Variants in COL24A1 observed in about 807,000 individuals in gnomAD.
COL24A1 encodes collagen type XXIV alpha 1 chain.
In COL24A1, 224 loss-of-function variants were observed where a neutral mutation model predicts 253.9. The ratio of observed to expected loss-of-function variants is 0.88; its 90% CI spans 0.79 to 0.99. The LOEUF is 0.99. Among genes scored for constraint, COL24A1 ranks in the 50% least tolerant of loss-of-function variants. COL24A1 has a pLI of 0.00. For missense variants in COL24A1, 2,131 were observed against 2,068.5 expected (o/e 1.03, Z -0.59); for synonymous variants, 685 against 673.7 (o/e 1.02, Z -0.26).
intron 4 of COL24A1, among the ~76,000 whole-genome samples, chr1:86,114,016 A>C (rs990472390): frequency 1.6e-4 from 25 of 152,146 alleles, no homozygotes; most frequent in Non-Finnish European, 2.8e-4. Flanking sequence ...ATTATTTCAC[A>C]AAGCTCAGTA....
chr1:85,881,446 A>G (rs1025840935), intron 32 of COL24A1, among the ~76,000 whole-genome samples: 2 of 148,750 alleles, frequency 1.3e-5, no homozygotes, highest in Non-Finnish European at 3.0e-5. Context: ...GTGAAACCCC[A>G]TTTCTACTAA....
intron 10 of COL24A1, among the ~76,000 whole-genome samples, chr1:86,052,824 T>C (rs1406651678): frequency 1.3e-5 from 2 of 152,046 alleles, no homozygotes; most frequent in African/African-American, 4.8e-5. Context: ...AATAAAACTT[T>C]TGGAAGGTTT....
chr1:85,964,344 T>C (rs1047954936), intron 23 of COL24A1, among the ~76,000 whole-genome samples: 2 of 152,160 alleles, frequency 1.3e-5, no homozygotes, highest in Non-Finnish European at 2.9e-5. Flanking sequence ...ATCTTTTTAA[T>C]ATCATAAAGT....
At chr1:85,946,095 T>C (rs537443202) in intron 24 of COL24A1, among the ~76,000 whole-genome samples, 1 of 152,286 alleles carries the variant, frequency 6.6e-6, no homozygotes, top group East Asian at 1.9e-4. Flanking sequence ...TAAACACTTG[T>C]TTTCCCTCTG....
At chr1:85,887,550 A>T (rs1682655314) in intron 32 of COL24A1, among the ~76,000 whole-genome samples, 1 of 152,028 alleles carries the variant, frequency 6.6e-6, no homozygotes, top group African/African-American at 2.4e-5. Context: ...AAAACTTTTA[A>T]ACTTTGCTGT....
chr1:86,057,971 A>G lies in COL24A1; in HGVS notation c.1811T>C (p.Leu604Ser), dbSNP rs748334510. 6.2e-6 allele frequency: 10 copies of G among 1,612,800 alleles called. No individual in the cohort carries two copies. In the South Asian group the frequency reaches 8.8e-5, roughly 14 times the overall value. Residue 604 changes from leucine (L) to serine (S), a missense_variant, in exon 10 of 60, where the codon TTA becomes TCA. Transcript: ENST00000370571. ...GSPGYPGRQGLAGPEGNPGPK... is the reference protein window; with the variant it reads ...GSPGYPGRQGSAGPEGNPGPK... ...ACCTGGATTACCTTCTGGTCCAGCTAAACCCTGGTGTAAACAAAAGACATT... is the reference window on the plus strand; with the variant it reads ...ACCTGGATTACCTTCTGGTCCAGCTGAACCCTGGTGTAAACAAAAGACATT...
At chr1:86,153,505 T>C (rs1653060203) in intron 1 of COL24A1, among the ~76,000 whole-genome samples, 1 of 152,172 alleles carries the variant, frequency 6.6e-6, no homozygotes, top group African/African-American at 2.4e-5. Context: ...CTCATTAGAG[T>C]TACAAATTCT....
chr1:86,020,079 T>A lies in COL24A1; in HGVS notation c.2256+2161A>T, dbSNP rs1697372352. Among the ~76,000 whole-genome samples the A allele has an allele frequency of 1.4e-5, 2 of 143,196 alleles. 1 individual carries two copies. The highest frequency in any genetic ancestry group is 1.4e-4 in the Admixed American group (2 of 14,200). 93.9% of individuals were successfully genotyped at this position (143,196 alleles called of 152,430 possible). ...ATTCTTTCTTTTTTTTTTTTTTTTT[T>A]TTTTTTGAGATGGAGTCTCACTCTG... is the stretch of plus-strand genomic sequence containing the variant. On this transcript the variant is annotated intron_variant, in intron 18 of 59. Coordinates refer to ENST00000370571, the MANE Select transcript of COL24A1 (RefSeq NM_152890.7).
chr1:85,844,615 C>T (rs140202535), intron 39 of COL24A1, among the ~76,000 whole-genome samples: 6 of 151,572 alleles, frequency 4.0e-5, no homozygotes, highest in South Asian at 4.2e-4. Flanking sequence ...ATCTGATCAC[C>T]GCAAAGAGTA....
At chr1:85,859,855 T>C (rs1678934707) in intron 37 of COL24A1, among the ~76,000 whole-genome samples, 1 of 152,208 alleles carries the variant, frequency 6.6e-6, no homozygotes, top group Admixed American at 6.5e-5. Context: ...TTTTGGTGTG[T>C]GCCTATAGTC....
intron 37 of COL24A1, among the ~76,000 whole-genome samples, chr1:85,850,399 C>T (rs1032162309): frequency 6.6e-5 from 10 of 152,232 alleles, no homozygotes; most frequent in East Asian, 1.9e-4. Flanking sequence ...ATTTGTTGAA[C>T]GAATAAACAG....
chr1:86,027,390 T>C (rs968968872), intron 14 of COL24A1, among the ~76,000 whole-genome samples: 2 of 152,156 alleles, frequency 1.3e-5, no homozygotes, highest in African/African-American at 4.8e-5. Context: ...AAAAGGTTTT[T>C]GGGCTGGGCC....
At chr1:85,966,338 T>C (rs1217053891) in intron 22 of COL24A1, among the ~76,000 whole-genome samples, 1 of 152,164 alleles carries the variant, frequency 6.6e-6, no homozygotes, top group Non-Finnish European at 1.5e-5. Flanking sequence ...GACATCTAAA[T>C]GGAGAGATCT....
chr1:86,047,671 A>G (rs1374736222), intron 11 of COL24A1, among the ~76,000 whole-genome samples: 3 of 152,110 alleles, frequency 2.0e-5, no homozygotes, highest in African/African-American at 7.2e-5. Context: ...TAAAGAAGTT[A>G]ATTCATGTAT....
chr1:85,764,791 CT>C (rs1199565718), intron 53 of COL24A1, among the ~76,000 whole-genome samples: 3 of 151,852 alleles, frequency 2.0e-5, no homozygotes, highest in Non-Finnish European at 2.9e-5. Flanking sequence ...TTTAAATTTT[CT>C]TTAAAGACGG....
At chr1:86,120,989 G>T (rs113167851) in intron 3 of COL24A1, among the ~76,000 whole-genome samples, 26,605 of 152,128 alleles carry the variant, frequency 0.17, 2,449 homozygotes, top group South Asian at 0.27. Flanking sequence ...CATGTCCTTT[G>T]TAGGGACATG....
Position 85,769,631 on chromosome 1 carries a change from C to T in COL24A1, c.4374+6043G>A, listed in dbSNP as rs551517216. 2.7e-3 allele frequency among the ~76,000 whole-genome samples: 403 copies of T among 151,984 alleles called. 1 individual carries two copies. The highest frequency in any genetic ancestry group is 8.9e-3 in the African/African-American group (369 of 41,450). On this transcript the variant is annotated intron_variant, in intron 53 of 59. Coordinates refer to ENST00000370571, the MANE Select transcript of COL24A1 (RefSeq NM_152890.7). ...CAGGTACAAAAGCCAGGAAGTGCGA[C>T]GAGAGAAGAAAGAACAAGGAGAGAG...
At chr1:85,806,076 A>C (rs1322035128) in intron 47 of COL24A1, among the ~76,000 whole-genome samples, 1 of 6,954 alleles carries the variant, frequency 1.4e-4, no homozygotes, top group Non-Finnish European at 1.0e-3. Context: ...ACTCCGTCTC[A>C]AAAAAAAAAA....
intron 22 of COL24A1, among the ~76,000 whole-genome samples, chr1:85,969,105 G>A (rs1691858306): frequency 6.6e-6 from 1 of 152,004 alleles, no homozygotes; most frequent in Non-Finnish European, 1.5e-5. Flanking sequence ...AGTTGAATAT[G>A]GTTCTCCTGT....
Sources: allele counts gnomAD v4.1 joint callset (sites outside exome capture counted in the v4.1 genomes callset), GRCh38; gene constraint gnomAD v4.1.1; transcripts MANE v1.5; gene names NCBI Gene and HGNC (gene_info 2026-07-23, HGNC 2026-07-21).